FGD4: variants seen among roughly 807,000 people sequenced by gnomAD.
FGD4 encodes the protein FYVE, RhoGEF and PH domain containing 4, also known as FYVE, RhoGEF and PH domain-containing protein 4.
A neutral mutation model predicts 102.0 loss-of-function variants in FGD4; 42 were observed. The ratio of observed to expected loss-of-function variants is 0.41; its 90% confidence interval spans 0.32 to 0.53. The LOEUF (loss-of-function observed/expected upper bound fraction) is 0.53. Ranked by LOEUF, FGD4 falls within the 20% of genes least tolerant of loss-of-function variation. FGD4 has a pLI of 0.21. For missense variants in FGD4, 902 were observed against 1,078.2 expected, an observed-to-expected ratio of 0.84 and a Z score of 2.29; for synonymous variants, 380 against 375.7, an observed-to-expected ratio of 1.01 and a Z score of -0.13.
intron 15 of FGD4, chr12:32,637,761 C>G (rs534674602): frequency 7.4e-4 from 112 of 152,272 alleles, no homozygotes; most frequent in African/African-American, 2.6e-3. Flanking sequence ...GAAGAACTGT[C>G]AGACACTTAC....
chr12:32,493,046 C>A (rs940341679), intron 1 of FGD4, among the ~76,000 whole-genome samples: 2 of 152,132 alleles, frequency 1.3e-5, no homozygotes, highest in Admixed American at 1.3e-4. Flanking sequence ...AAGGTGAAAA[C>A]TCTGGTCTGA....
intron 1 of FGD4, among the ~76,000 whole-genome samples, chr12:32,425,763 A>C (rs1464577199): frequency 2.0e-5 from 3 of 152,138 alleles, no homozygotes; most frequent in African/African-American, 7.2e-5. Flanking sequence ...AGTGGTTTGT[A>C]GTTCTCCTTG....
chr12:32,600,554 T>G, intron 5 of FGD4: 2 of 707,494 alleles, frequency 2.8e-6, no homozygotes, highest in Non-Finnish European at 1.8e-6. Flanking sequence ...AAGGTTTGGG[T>G]TTTTGTTTTT....
intron 1 of FGD4, among the ~76,000 whole-genome samples, chr12:32,552,434 ATTTTTTTTTTTTTT>A (rs66646521): frequency 6.6e-5 from 8 of 120,996 alleles, no homozygotes; most frequent in South Asian, 2.9e-4. Flanking sequence ...TAATTTTTGC[ATTTTTTTTTTTTTT>A]TTTTTTTTTT....
intron 1 of FGD4, among the ~76,000 whole-genome samples, chr12:32,553,020 C>A (rs1371366314): frequency 2.7e-5 from 4 of 150,602 alleles, no homozygotes; most frequent in Admixed American, 1.3e-4. Context: ...TCTCAAACTC[C>A]CTACCTCAGG....
At chr12:32,503,656 C>T (rs1938427943) in intron 1 of FGD4, among the ~76,000 whole-genome samples, 1 of 152,164 alleles carries the variant, frequency 6.6e-6, no homozygotes, top group South Asian at 2.1e-4. Flanking sequence ...TAGCTACATA[C>T]TAGCTCTAAG....
intron 1 of FGD4, among the ~76,000 whole-genome samples, chr12:32,532,410 C>G (rs1941886646): frequency 6.6e-6 from 1 of 152,082 alleles, no homozygotes; most frequent in African/African-American, 2.4e-5. Context: ...ACCTCCTAAA[C>G]TTAGTTTTCT....
In FGD4 at chr12:32,638,048, G is replaced by A. The variant is rs74475845; in HGVS notation, c.2314-607G>A. Among the ~76,000 whole-genome samples, 361 of 152,244 alleles carry A rather than the reference G, an allele frequency of 2.4e-3. 2 individuals are homozygous for A. Among genetic ancestry groups the A allele is most frequent in the African/African-American group, 8.1e-3 (338 of 41,538 alleles). On this transcript the variant is annotated intron_variant, in intron 15 of 16. Coordinates refer to ENST00000534526, the MANE Select transcript of FGD4 (RefSeq NM_001370298.3). ...TTATATTCTTTCTTAATTGAAGTAGGTATCGCATTGTCGTTAAAAGTTCAG... is the reference window on the plus strand; with the variant it reads ...TTATATTCTTTCTTAATTGAAGTAGATATCGCATTGTCGTTAAAAGTTCAG...
intron 1 of FGD4, among the ~76,000 whole-genome samples, chr12:32,481,179 C>G (rs1565767411): frequency 7.1e-6 from 1 of 140,406 alleles, no homozygotes; most frequent in South Asian, 2.4e-4. Flanking sequence ...TGGCTCATGC[C>G]TGTAATCCCA....
At chr12:32,519,178 G>T (rs190483523) in intron 1 of FGD4, among the ~76,000 whole-genome samples, 6 of 145,926 alleles carry the variant, frequency 4.1e-5, no homozygotes, top group Non-Finnish European at 9.0e-5. Context: ...GTGCCCATTT[G>T]CTAACCTTTC....
intron 1 of FGD4, among the ~76,000 whole-genome samples, chr12:32,497,281 T>C (rs1450524046): frequency 6.6e-6 from 1 of 150,908 alleles, no homozygotes; most frequent in African/African-American, 2.4e-5. Context: ...AATTTATTAA[T>C]ATTTCAATGC....
At chr12:32,433,371 C>T (rs542052948) in intron 1 of FGD4, among the ~76,000 whole-genome samples, 49 of 151,740 alleles carry the variant, frequency 3.2e-4, no homozygotes, top group Non-Finnish European at 6.3e-4. Flanking sequence ...CTTTTTGAGT[C>T]GGAGTCTTGC....
chr12:32,581,777 A>G lies in FGD4; in HGVS notation c.504-183A>G. 9.7e-6 allele frequency: 6 copies of G among 618,584 alleles called. No homozygotes were observed. The South Asian group carries it at 1.0e-4, about 11-fold the overall frequency. The allele number at this position is 618,584 out of a possible 1,614,324, so 38.3% of individuals were successfully genotyped here. A position where few individuals can be genotyped will look rare whatever the true frequency, so the allele number is the denominator to read the frequency against. On this transcript the variant is annotated intron_variant, in intron 3 of 16. Transcript: ENST00000534526. The stretch of plus-strand genomic sequence containing the variant: ...CTTCTTTATTTAAATCTTTATTTAA[A>G]TGTGGATAGCATCCCAAGAGACTTG...
Position 32,399,893 on chromosome 12 carries a change from C to T in FGD4, c.100C>T (p.Pro34Ser). Reference sequence around the variant, plus strand: ...CGGGGTGCCCCGGCCCTGGAGCAGGCCCGCGTCGCACCTGGGACGTGTAGG... The same window carrying T: ...CGGGGTGCCCCGGCCCTGGAGCAGGTCCGCGTCGCACCTGGGACGTGTAGG... ...PPGVPRPWSR[P>S]ASHLGRVGTA... The change falls in exon 1 of 17, where the codon CCC (proline) becomes TCC (serine). Residue 34 changes from proline (P) to serine (S), a missense_variant. By Grantham distance (74) the Pro-to-Ser change is moderately conservative. Transcript: ENST00000534526. 2 of 1,529,788 alleles carry T rather than the reference C, an allele frequency of 1.3e-6. No individual in the cohort carries two copies. The highest frequency in any genetic ancestry group is 2.5e-5 in the East Asian group (1 of 40,112). 94.8% of individuals were successfully genotyped at this position (1,529,788 alleles called of 1,614,324 possible). A position where few individuals can be genotyped will look rare whatever the true frequency, so the allele number is the denominator to read the frequency against.
At position 32,575,661 on chromosome 12, in the gene FGD4, A is replaced by G. The variant is rs78991800; in HGVS notation, c.320-605A>G. On this transcript the variant is annotated intron_variant, in intron 2 of 16. Transcript: ENST00000534526. ...TAAACCTCTCTAAGCCTTCATAGAC[A>G]TAAGAAGAGAATAGTAGTACCTACC... Among the ~76,000 whole-genome samples, 465 of 152,336 alleles carry G rather than the reference A, an allele frequency of 3.1e-3. 2 individuals carry two copies. The highest frequency in any genetic ancestry group is 0.011 in the African/African-American group (437 of 41,580).
In FGD4 at chr12:32,564,222, A is replaced by G. The variant is rs192369036; in HGVS notation, c.252A>G (p.Glu84=). The G allele has an allele frequency of 1.3e-6, 2 of 1,536,154 alleles. No homozygotes were observed. Among genetic ancestry groups the G allele is most frequent in the African/African-American group, 2.7e-5 (2 of 73,176 alleles). ...CACTGGTTGGTGAGAATGTATCTGA[A>G]GAAGAGGCTCAGGGAATAAATGGGA... is the stretch of plus-strand genomic sequence containing the variant. ...TTTLVGENVS[E]EEAQGINGNR... is the part of the protein sequence containing the mutation. Residue 84 remains glutamate (E), a synonymous_variant, in exon 2 of 17, where the codon GAA becomes GAG. Coordinates refer to ENST00000534526, the MANE Select transcript of FGD4 (RefSeq NM_001370298.3).
At chr12:32,632,073 C>T (rs1490021285) in intron 14 of FGD4, among the ~76,000 whole-genome samples, 1 of 151,680 alleles carries the variant, frequency 6.6e-6, no homozygotes, top group Non-Finnish European at 1.5e-5. Context: ...ATTTTAAATG[C>T]TATAAATCTA....
intron 1 of FGD4, among the ~76,000 whole-genome samples, chr12:32,519,888 A>G (rs1940321041): frequency 2.0e-5 from 3 of 152,232 alleles, no homozygotes; most frequent in East Asian, 1.9e-4. Context: ...CAGAGGCTAC[A>G]GTGAGCTGAG....
intron 1 of FGD4, among the ~76,000 whole-genome samples, chr12:32,528,589 C>T (rs1418123784): frequency 6.6e-6 from 1 of 152,132 alleles, no homozygotes; most frequent in Admixed American, 6.5e-5. Flanking sequence ...TGAGGTTTCA[C>T]CATGTTGACC....
Sources: gnomAD v4.1 joint callset for allele counts (sites outside exome capture counted in the v4.1 genomes callset) on GRCh38, gnomAD v4.1.1 for gene constraint, MANE v1.5 for transcripts, NCBI Gene and HGNC (gene_info 2026-07-23, HGNC 2026-07-21) for gene names.